Variants in WASF3 observed in about 807,000 individuals in gnomAD.
WASF3 encodes the protein WASP family member 3, also known as actin-binding protein WASF3.
WASF3 carries 11 observed loss-of-function variants against 46.6 expected under a neutral mutation model. That is an observed-to-expected ratio of 0.24 (90% CI 0.15 to 0.39). The LOEUF is 0.39. WASF3 is among the 10% of genes least tolerant of loss of function. The pLI is 1.00. For synonymous variants in WASF3, 242 were observed against 259.7 expected (o/e 0.93, Z 0.65); for missense variants, 576 against 669.8 (o/e 0.86, Z 1.55).
chr13:26,600,051 G>T (rs1213433730), intron 1 of WASF3, among the ~76,000 whole-genome samples: 1 of 152,172 alleles, frequency 6.6e-6, no homozygotes, highest in East Asian at 1.9e-4. Context: ...TTTGGGCTCC[G>T]AAGATTAAAT....
chr13:26,620,042 A>C (rs1448412559), intron 2 of WASF3, among the ~76,000 whole-genome samples: 1 of 152,208 alleles, frequency 6.6e-6, no homozygotes, highest in Non-Finnish European at 1.5e-5. Flanking sequence ...TGGAAGTGAG[A>C]GACCGAGATT....
At chr13:26,557,402 C>G (rs1186702169), upstream of WASF3, among the ~76,000 whole-genome samples, 3 of 152,196 alleles carry the variant, frequency 2.0e-5, no homozygotes, top group East Asian at 5.8e-4. Context: ...ATACAAGGGT[C>G]TCTTGGCCCG....
chr13:26,636,690 G>A (rs1018103136), intron 2 of WASF3, among the ~76,000 whole-genome samples: 2 of 152,132 alleles, frequency 1.3e-5, no homozygotes, highest in Non-Finnish European at 2.9e-5. Flanking sequence ...ATCTCTGCTG[G>A]GTCATACAGC....
chr13:26,581,639 ACAAAAC>A (rs1001117367), intron 1 of WASF3, among the ~76,000 whole-genome samples: 3 of 152,170 alleles, frequency 2.0e-5, no homozygotes, highest in African/African-American at 7.2e-5. Context: ...AAAAAAAGTT[ACAAAAC>A]CACTGCTTTT....
intron 1 of WASF3, among the ~76,000 whole-genome samples, chr13:26,604,442 T>G (rs756315366): frequency 6.6e-6 from 1 of 152,116 alleles, no homozygotes; most frequent in Non-Finnish European, 1.5e-5. Flanking sequence ...GGCGGCTGTT[T>G]TTAAGTAAGG....
At chr13:26,650,908 A>G (rs1882295419) in intron 3 of WASF3, among the ~76,000 whole-genome samples, 1 of 152,232 alleles carries the variant, frequency 6.6e-6, no homozygotes, top group Non-Finnish European at 1.5e-5. Flanking sequence ...AAATCGTCTG[A>G]CACATACGTA....
chr13:26,644,058 G>C (rs1392602115), intron 3 of WASF3, among the ~76,000 whole-genome samples: 6 of 152,180 alleles, frequency 3.9e-5, no homozygotes, highest in African/African-American at 1.4e-4. Context: ...TCTTTAAATG[G>C]GAAAGGAGGG....
chr13:26,592,287 A>AT (rs1369024340), intron 1 of WASF3, among the ~76,000 whole-genome samples: 1 of 151,992 alleles, frequency 6.6e-6, no homozygotes, highest in Non-Finnish European at 1.5e-5. Context: ...TATTGGAAAT[A>AT]TTTTTGTTTT....
chr13:26,636,122 A>C (rs1881810131), intron 2 of WASF3, among the ~76,000 whole-genome samples: 1 of 152,224 alleles, frequency 6.6e-6, no homozygotes, highest in Admixed American at 6.5e-5. Flanking sequence ...ACAGAGGTGG[A>C]GTCTATAGAG....
chr13:26,618,758 G>A (rs1881217658), intron 2 of WASF3: 1 of 152,172 alleles, frequency 6.6e-6, no homozygotes, highest in Non-Finnish European at 1.5e-5. Flanking sequence ...AATAAGAGAT[G>A]GAAATGCTAG....
intron 5 of WASF3, among the ~76,000 whole-genome samples, chr13:26,670,827 A>G (rs1470646325): frequency 1.3e-5 from 2 of 152,228 alleles, no homozygotes; most frequent in South Asian, 2.1e-4. Flanking sequence ...AGTGATTTTC[A>G]GACATAGCGA....
At chr13:26,659,408 G>A (rs1882559326) in intron 3 of WASF3, among the ~76,000 whole-genome samples, 1 of 152,212 alleles carries the variant, frequency 6.6e-6, no homozygotes, top group South Asian at 2.1e-4. Flanking sequence ...AACGGAGCTA[G>A]GTCGTGTAGG....
At chr13:26,573,464 G>T (rs1879699431) in intron 1 of WASF3, among the ~76,000 whole-genome samples, 1 of 151,798 alleles carries the variant, frequency 6.6e-6, no homozygotes, top group Non-Finnish European at 1.5e-5. Flanking sequence ...TTTTTAATTT[G>T]ATGCAATCCC....
chr13:26,647,968 T>C (rs1882199555), intron 3 of WASF3, among the ~76,000 whole-genome samples: 1 of 146,672 alleles, frequency 6.8e-6, no homozygotes, highest in South Asian at 2.3e-4. Context: ...ATCTGTATTC[T>C]TATAAGACAC....
chr13:26,683,040 C>T, intron 9 of WASF3, 66 bp downstream of exon 9: 1 of 1,541,872 alleles, frequency 6.5e-7, no homozygotes, highest in Non-Finnish European at 8.7e-7. Flanking sequence ...CTCCAGCCAG[C>T]TACAGCCTCC....
intron 1 of WASF3, among the ~76,000 whole-genome samples, chr13:26,574,566 G>A (rs1172052397): frequency 2.0e-5 from 3 of 151,750 alleles, no homozygotes; most frequent in African/African-American, 4.8e-5. Context: ...TTTATATACA[G>A]CATAGTCTTT....
chr13:26,682,585 A>T lies in WASF3; in HGVS notation c.984-22A>T. On this transcript the variant is annotated intron_variant, in intron 8 of 9. Coordinates refer to ENST00000335327, the MANE Select transcript of WASF3 (RefSeq NM_006646.6). This position sits in a 1 kb window ranked among gnomAD's most constrained non-coding sequence, Gnocchi z 4.4. The stretch of plus-strand genomic sequence containing the variant: ...ACCCTCTCTTGTTCCCTTGGTGACT[A>T]TGTGCCTCATATCTCTCTCAGGATG... 1.2e-6 allele frequency: 2 copies of T among 1,613,918 alleles called. No individual in the cohort carries two copies. Among genetic ancestry groups the T allele is most frequent in the Non-Finnish European group, 1.7e-6 (2 of 1,179,968 alleles).
intron 1 of WASF3, among the ~76,000 whole-genome samples, chr13:26,564,455 T>A (rs984186398): frequency 2.6e-5 from 4 of 152,228 alleles, no homozygotes; most frequent in African/African-American, 9.6e-5. Context: ...GGAATGCTTG[T>A]TTTCTAGCAG....
chr13:26,587,102 CAA>C (rs57542558), intron 1 of WASF3, among the ~76,000 whole-genome samples: 116 of 64,264 alleles, frequency 1.8e-3, no homozygotes, highest in Middle Eastern at 9.6e-3. Flanking sequence ...GACCCTGCCT[CAA>C]AAAAAAAAAA....
Sources: gnomAD v4.1 joint callset for allele counts (sites outside exome capture counted in the v4.1 genomes callset) on GRCh38, gnomAD v4.1.1 for gene constraint, Gnocchi (gnomAD v3.1) non-coding constraint, MANE v1.5 for transcripts, NCBI Gene and HGNC (gene_info 2026-07-23, HGNC 2026-07-21) for gene names.